PALM2AKAP2: variants seen among roughly 807,000 people sequenced by gnomAD.
PALM2AKAP2 encodes PALM2-AKAP2 fusion protein.
PALM2AKAP2 carries 37 observed loss-of-function variants against 71.5 expected under a neutral mutation model. The ratio of observed to expected loss-of-function variants is 0.52; its 90% CI spans 0.40 to 0.68. The LOEUF (loss-of-function observed/expected upper bound fraction) is 0.68, where lower values mean the gene tolerates loss of function less well. Ranked by LOEUF, PALM2AKAP2 falls within the 30% of genes least tolerant of loss-of-function variation. PALM2AKAP2 has a pLI of 0.00. For missense variants in PALM2AKAP2, 1,224 were observed against 1,191.8 expected (o/e 1.03, Z -0.40); for synonymous variants, 468 against 478.8 (o/e 0.98, Z 0.29).
intron 1 of PALM2AKAP2, among the ~76,000 whole-genome samples, chr9:109,834,011 G>A (rs1012801830): frequency 2.6e-5 from 4 of 152,168 alleles, no homozygotes; most frequent in African/African-American, 7.2e-5. Context: ...TCAGAAGTTC[G>A]AGACCAGTCT....
intron 1 of PALM2AKAP2, among the ~76,000 whole-genome samples, chr9:110,120,551 G>A (rs755293875): frequency 6.6e-6 from 1 of 152,238 alleles, no homozygotes; most frequent in Non-Finnish European, 1.5e-5. Flanking sequence ...TGCCCAGGCT[G>A]GAGTGCAGTG....
At chr9:109,649,926 C>T (rs1300334034) in intron 1 of PALM2AKAP2, among the ~76,000 whole-genome samples, 1 of 152,202 alleles carries the variant, frequency 6.6e-6, no homozygotes, top group Non-Finnish European at 1.5e-5. Context: ...GGAGGGTAGA[C>T]AGATTTTTGG....
chr9:109,904,954 A>C (rs1279322344), intron 3 of PALM2AKAP2, among the ~76,000 whole-genome samples: 1 of 152,188 alleles, frequency 6.6e-6, no homozygotes, highest in African/African-American at 2.4e-5. Flanking sequence ...ATTTGGCTTA[A>C]GGAAATTTGC....
At chr9:109,721,039 C>A (rs1318887107) in intron 1 of PALM2AKAP2, among the ~76,000 whole-genome samples, 1 of 152,200 alleles carries the variant, frequency 6.6e-6, no homozygotes, top group East Asian at 1.9e-4. Context: ...TCTCAAGAAT[C>A]CTGTGTCTTC....
At chr9:109,812,277 C>A (rs1399308798) in intron 1 of PALM2AKAP2, among the ~76,000 whole-genome samples, 1 of 151,926 alleles carries the variant, frequency 6.6e-6, no homozygotes. Context: ...GAGGGAGGGA[C>A]AACATGGAGC....
exon 7 of PALM2AKAP2, chr9:110,015,997 C>T (rs199695233): frequency 1.2e-5 from 20 of 1,613,892 alleles, no homozygotes; most frequent in Non-Finnish European, 1.6e-5. Flanking sequence ...GTGAGTCAGC[C>T]TCGAACGCCA....
At chr9:109,780,026 C>T (rs1829410286), upstream of PALM2AKAP2, among the ~76,000 whole-genome samples, 1 of 151,560 alleles carries the variant, frequency 6.6e-6, no homozygotes, top group Non-Finnish European at 1.5e-5. Flanking sequence ...CCCAGGTGCC[C>T]ACTGGCTCGC....
chr9:109,895,390 ATCAG>A (rs1459371209), intron 3 of PALM2AKAP2, among the ~76,000 whole-genome samples: 1 of 152,222 alleles, frequency 6.6e-6, no homozygotes, highest in Non-Finnish European at 1.5e-5. Flanking sequence ...TCTGGAGAAA[ATCAG>A]TCAGTGTCCC....
At chr9:110,111,207 T>G (rs1835244467) in intron 1 of PALM2AKAP2, among the ~76,000 whole-genome samples, 1 of 143,662 alleles carries the variant, frequency 7.0e-6, no homozygotes, top group Non-Finnish European at 1.5e-5. Context: ...TCCTCTGACC[T>G]CAGCCTCGTG....
At chr9:109,935,170 G>A (rs75564876) in intron 6 of PALM2AKAP2, among the ~76,000 whole-genome samples, 7,257 of 152,276 alleles carry the variant, frequency 0.048, 276 homozygotes, top group Admixed American at 0.11. Context: ...TTTGAATGTA[G>A]AAAACCCTCT....
At chr9:109,763,035 G>A (rs781400954) in intron 1 of PALM2AKAP2, among the ~76,000 whole-genome samples, 52 of 152,170 alleles carry the variant, frequency 3.4e-4, no homozygotes, top group African/African-American at 1.2e-3. Context: ...AGACCAGAGG[G>A]CAGCACTTTC....
intron 2 of PALM2AKAP2, among the ~76,000 whole-genome samples, chr9:109,873,009 C>A (rs1225968938): frequency 6.6e-6 from 1 of 152,128 alleles, no homozygotes; most frequent in Admixed American, 6.5e-5. Flanking sequence ...ATAACAAAAT[C>A]TCAAAACCAA....
chr9:109,661,607 A>G (rs1471735423), intron 1 of PALM2AKAP2, among the ~76,000 whole-genome samples: 1 of 152,292 alleles, frequency 6.6e-6, no homozygotes, highest in Middle Eastern at 3.4e-3. Context: ...TGATGCCTCC[A>G]GCTTTGTGCT....
intron 6 of PALM2AKAP2, among the ~76,000 whole-genome samples, chr9:109,951,583 C>T (rs1160370511): frequency 6.6e-6 from 1 of 152,214 alleles, no homozygotes; most frequent in Non-Finnish European, 1.5e-5. Flanking sequence ...AAACTAAACA[C>T]TAACCCAGTG....
chr9:109,974,534 C>T lies in PALM2AKAP2; in HGVS notation c.497-41420C>T, dbSNP rs78574140. ...ACCCAGATTTGATCTGATTTTGAAT[C>T]GGCAGAGTGACACATGTTGCTTAGA... On this transcript the variant is annotated intron_variant, in intron 6 of 9. Coordinates refer to the PALM2AKAP2 transcript ENST00000302798. 2.3e-3 allele frequency among the ~76,000 whole-genome samples: 357 copies of T among 152,210 alleles called. 3 individuals carry two copies. The highest frequency in any genetic ancestry group is 4.2e-3 in the East Asian group (22 of 5,190).
intron 3 of PALM2AKAP2, among the ~76,000 whole-genome samples, chr9:109,894,341 A>AAAAC (rs1242358188): frequency 1.3e-5 from 2 of 152,206 alleles, no homozygotes; most frequent in Non-Finnish European, 2.9e-5. Context: ...TCCATCTCAA[A>AAAAC]AAACAAACAA....
At chr9:109,920,340 G>A (rs1176695326) in intron 3 of PALM2AKAP2, among the ~76,000 whole-genome samples, 1 of 151,774 alleles carries the variant, frequency 6.6e-6, no homozygotes, top group African/African-American at 2.4e-5. Context: ...AGTAAGGGAG[G>A]AAGGAAGGGA....
At chr9:110,010,113 T>G (rs1564258116) in intron 6 of PALM2AKAP2, among the ~76,000 whole-genome samples, 1 of 151,616 alleles carries the variant, frequency 6.6e-6, no homozygotes, top group Non-Finnish European at 1.5e-5. Flanking sequence ...CTGAGAGGTC[T>G]TTATAAAACT....
Position 109,887,140 on chromosome 9 carries a change from G to A in PALM2AKAP2, c.257+6459G>A, listed in dbSNP as rs530211421. Among the ~76,000 whole-genome samples, 6 of 152,296 alleles carry A rather than the reference G, an allele frequency of 3.9e-5. No individual in the cohort carries two copies. The East Asian group carries it at 1.2e-3, about 29-fold the overall frequency. On this transcript the variant is annotated intron_variant, in intron 3 of 9. Transcript: ENST00000302798. ...AAAGCCAAAGGCGTAGAGACATTAG[G>A]CATAAGCATATGTATCTTATTAAGC...
Sources: allele counts gnomAD v4.1 joint callset (sites outside exome capture counted in the v4.1 genomes callset), GRCh38; gene constraint gnomAD v4.1.1; transcripts MANE v1.5; gene names NCBI Gene and HGNC (gene_info 2026-07-23, HGNC 2026-07-21).